TRIM55: variants seen among roughly 807,000 people sequenced by gnomAD.
TRIM55 encodes tripartite motif containing 55.
A neutral mutation model predicts 60.9 loss-of-function variants in TRIM55; 50 were observed. The ratio of observed to expected loss-of-function variants is 0.82; its 90% CI spans 0.65 to 1.04. The LOEUF is 1.04. Ranked by LOEUF, TRIM55 falls within the 50% of genes least tolerant of loss-of-function variation. The pLI is 0.00. For synonymous variants in TRIM55, 237 were observed against 238.1 expected (o/e 1.00, Z 0.04); for missense variants, 681 against 666.9 (o/e 1.02, Z -0.23).
Position 66,149,818 on chromosome 8 carries a change from A to C in TRIM55, c.777A>C (p.Ser259=). 3.1e-6 allele frequency: 5 copies of C among 1,614,220 alleles called. No individual in the cohort carries two copies. The highest frequency in any genetic ancestry group is 4.2e-6 in the Non-Finnish European group (5 of 1,180,022). ...KKYSDHLENV[S]KLVESGIQFM... Reference sequence around the variant, plus strand: ...ATTCTGATCATTTGGAGAACGTCTCAAAGTTGGTTGAGTCAGGAATTCAGT... The same window carrying C: ...ATTCTGATCATTTGGAGAACGTCTCCAAGTTGGTTGAGTCAGGAATTCAGT... Residue 259 remains serine, a synonymous_variant, in exon 5 of 10, where the codon TCA becomes TCC. Coordinates refer to ENST00000315962, the MANE Select transcript of TRIM55 (RefSeq NM_184085.2).
At chr8:66,116,513 A>C in the TRIM55 span, among the ~76,000 whole-genome samples, 2 of 151,404 alleles carry the variant, frequency 1.3e-5, no homozygotes, top group Admixed American at 1.3e-4. Context: ...AGGGTAAGGT[A>C]GGAGGATCTC....
intron 9 of TRIM55, among the ~76,000 whole-genome samples, chr8:66,161,023 A>G (rs1010644706): frequency 1.3e-5 from 2 of 152,010 alleles, no homozygotes; most frequent in Non-Finnish European, 2.9e-5. Flanking sequence ...TTTTTAGTTT[A>G]ATTAAGTCCC....
At chr8:66,115,332 A>G in the TRIM55 span, 1 of 152,188 alleles carries the variant, frequency 6.6e-6, no homozygotes, top group African/African-American at 2.4e-5. Flanking sequence ...AGTTGAATGT[A>G]TTGTAAATTA....
intron 9 of TRIM55, among the ~76,000 whole-genome samples, chr8:66,157,674 A>C (rs1810820209): frequency 6.6e-6 from 1 of 152,188 alleles, no homozygotes; most frequent in Non-Finnish European, 1.5e-5. Flanking sequence ...TGTAAACTAC[A>C]TTCAGCCCAC....
chr8:66,150,518 C>T, intron 7 of TRIM55, 52 bp downstream of exon 7: 2 of 1,607,330 alleles, frequency 1.2e-6, no homozygotes, highest in Non-Finnish European at 1.7e-6. Flanking sequence ...GTGAAAGCTG[C>T]CGAAGAGTTG....
At chr8:66,167,273 T>G (rs1811379666) in intron 9 of TRIM55, among the ~76,000 whole-genome samples, 1 of 152,234 alleles carries the variant, frequency 6.6e-6, no homozygotes, top group South Asian at 2.1e-4. Context: ...CCCATGGTTC[T>G]TAAGGACAAC....
At chr8:66,136,739 C>T (rs1255080505) in intron 3 of TRIM55, among the ~76,000 whole-genome samples, 2 of 152,176 alleles carry the variant, frequency 1.3e-5, no homozygotes, top group Non-Finnish European at 2.9e-5. Context: ...ATTTACTATA[C>T]ACATTTCCCA....
chr8:66,137,081 T>C lies in TRIM55; in HGVS notation c.508-14T>C. 6.2e-7 allele frequency: 1 copy of C among 1,612,010 alleles called. No individual in the cohort carries two copies. The highest frequency in any genetic ancestry group is 8.5e-7 in the Non-Finnish European group (1 of 1,178,440). On this transcript the variant is annotated splice_polypyrimidine_tract_variant and intron_variant, in intron 3 of 9. Coordinates refer to ENST00000315962, the MANE Select transcript of TRIM55 (RefSeq NM_184085.2). ...AACCCCTAAGATATTGGGTTCATGT[T>C]TTCTCTTCATTAGTCTGAGCTCAGT...
the TRIM55 span, among the ~76,000 whole-genome samples, chr8:66,118,837 G>C: frequency 6.6e-6 from 1 of 152,274 alleles, no homozygotes; most frequent in East Asian, 1.9e-4. Flanking sequence ...CCTTCTCTCC[G>C]CTGCTCATGA....
At chr8:66,170,157 T>C (rs1308923749) in intron 9 of TRIM55, among the ~76,000 whole-genome samples, 1 of 152,194 alleles carries the variant, frequency 6.6e-6, no homozygotes, top group Non-Finnish European at 1.5e-5. Context: ...GTGTTAAGTA[T>C]ATTCACACTA....
At chr8:66,162,224 A>G (rs545689585) in intron 9 of TRIM55, among the ~76,000 whole-genome samples, 2 of 152,240 alleles carry the variant, frequency 1.3e-5, no homozygotes, top group Admixed American at 1.3e-4. Context: ...GGTTTTAATC[A>G]TAAAGGGATG....
chr8:66,139,918 T>G (rs1237563015), intron 4 of TRIM55, among the ~76,000 whole-genome samples: 1 of 152,240 alleles, frequency 6.6e-6, no homozygotes, highest in Non-Finnish European at 1.5e-5. Flanking sequence ...TGGTCAATGA[T>G]GAACTGCATA....
At chr8:66,168,870 G>A (rs1811464945) in intron 9 of TRIM55, among the ~76,000 whole-genome samples, 1 of 152,218 alleles carries the variant, frequency 6.6e-6, no homozygotes. Flanking sequence ...TTATCTGGCA[G>A]GGGCATACAT....
At chr8:66,167,758 CT>C (rs981808262) in intron 9 of TRIM55, among the ~76,000 whole-genome samples, 38 of 151,266 alleles carry the variant, frequency 2.5e-4, no homozygotes, top group African/African-American at 8.8e-4. Flanking sequence ...AAATGCTTTT[CT>C]TTTTTTTTAG....
At chr8:66,148,866 T>C (rs1374179946) in intron 4 of TRIM55, among the ~76,000 whole-genome samples, 1 of 152,112 alleles carries the variant, frequency 6.6e-6, no homozygotes, top group Non-Finnish European at 1.5e-5. Context: ...CTGGCCAATG[T>C]GGTGAAACCC....
intron 2 of TRIM55, among the ~76,000 whole-genome samples, chr8:66,133,587 C>G (rs2128974094): frequency 6.6e-6 from 1 of 152,320 alleles, no homozygotes; most frequent in Non-Finnish European, 1.5e-5. Context: ...CAAGACCAGA[C>G]AGAAATTCCT....
At chr8:66,163,556 C>A (rs11992585) in intron 9 of TRIM55, among the ~76,000 whole-genome samples, 1 of 152,132 alleles carries the variant, frequency 6.6e-6, no homozygotes, top group Non-Finnish European at 1.5e-5. Context: ...AGCGGCATTT[C>A]GTTTCCAGAT....
chr8:66,115,167 A>T, the TRIM55 span: 1 of 152,790 alleles, frequency 6.5e-6, no homozygotes, highest in Non-Finnish European at 1.5e-5. Flanking sequence ...AACCTTTGTG[A>T]GGAGTACAGC....
chr8:66,128,186 T>G lies in TRIM55; in HGVS notation c.169-118T>G, dbSNP rs1439888106. Reference sequence around the variant, plus strand: ...GCTGAGAAAGCCCTGAGGGATGATCTTATGGCAAGCTTAAAGTAGAAGTTC... The same window carrying G: ...GCTGAGAAAGCCCTGAGGGATGATCGTATGGCAAGCTTAAAGTAGAAGTTC... On this transcript the variant is annotated intron_variant, in intron 1 of 9. Coordinates refer to ENST00000315962, the MANE Select transcript of TRIM55 (RefSeq NM_184085.2). 10 of 1,012,684 alleles carry G rather than the reference T, an allele frequency of 9.9e-6. No homozygotes were observed. The African/African-American group carries it at 1.6e-4, about 16-fold the overall frequency. The allele number at this position is 1,012,684 out of a possible 1,614,324, so 62.7% of individuals were successfully genotyped here.
Sources: gnomAD v4.1 joint callset for allele counts (sites outside exome capture counted in the v4.1 genomes callset) on GRCh38, gnomAD v4.1.1 for gene constraint, MANE v1.5 for transcripts, NCBI Gene and HGNC (gene_info 2026-07-23, HGNC 2026-07-21) for gene names.